GALNT14: variants seen among roughly 807,000 people sequenced by gnomAD.
GALNT14 encodes UDP-GalNAc:polypeptide N-acetylgalactosaminyltransferase 14.
GALNT14 carries 60 observed loss-of-function variants against 77.5 expected under a neutral mutation model. The ratio of observed to expected loss-of-function variants is 0.77; its 90% CI spans 0.63 to 0.96. The LOEUF (loss-of-function observed/expected upper bound fraction) is 0.96. GALNT14 is among the 40% of genes least tolerant of loss of function. The pLI is 0.00. For missense variants in GALNT14, 710 were observed against 731.0 expected (o/e 0.97, Z 0.33); for synonymous variants, 280 against 281.7 (o/e 0.99, Z 0.06).
intron 1 of GALNT14, among the ~76,000 whole-genome samples, chr2:31,040,900 C>T (rs1241320207): frequency 6.6e-6 from 1 of 152,148 alleles, no homozygotes; most frequent in African/African-American, 2.4e-5. Flanking sequence ...ATAAACAAAC[C>T]CGACGCCAGA....
chr2:31,098,629 C>A (rs1265492566), intron 1 of GALNT14, among the ~76,000 whole-genome samples: 1 of 152,040 alleles, frequency 6.6e-6, no homozygotes, highest in Non-Finnish European at 1.5e-5. Flanking sequence ...GCGGTTGACC[C>A]TTGAGCAGTG....
intron 2 of GALNT14, among the ~76,000 whole-genome samples, chr2:30,977,343 G>A (rs78892041): frequency 0.024 from 3,603 of 152,142 alleles, 142 homozygotes; most frequent in East Asian, 0.21. Context: ...CGCCCACCAG[G>A]TCCTCCCAAA....
chr2:31,089,304 C>T (rs911215964), intron 1 of GALNT14, among the ~76,000 whole-genome samples: 7 of 152,116 alleles, frequency 4.6e-5, no homozygotes, highest in Non-Finnish European at 7.3e-5. Flanking sequence ...ATTCGGATCA[C>T]GTTTGCTTCT....
At chr2:30,932,220 T>C in intron 9 of GALNT14, 26 bp from the exon 10 acceptor site, 2 of 1,436,688 alleles carry the variant, frequency 1.4e-6, no homozygotes, top group Non-Finnish European at 1.8e-6. Context: ...GCCCCTCCTA[T>C]GACCTCTTAT....
chr2:30,978,313 T>C (rs546823186), intron 2 of GALNT14, among the ~76,000 whole-genome samples: 105 of 152,368 alleles, frequency 6.9e-4, no homozygotes, highest in African/African-American at 2.4e-3. Flanking sequence ...ACTATTCCCC[T>C]TTCTAAATCA....
chr2:31,084,086 C>T (rs1460597969), intron 1 of GALNT14, among the ~76,000 whole-genome samples: 1 of 152,174 alleles, frequency 6.6e-6, no homozygotes, highest in African/African-American at 2.4e-5. Flanking sequence ...TCAGCTCAGC[C>T]ACTCCACAAA....
intron 1 of GALNT14, among the ~76,000 whole-genome samples, chr2:31,059,503 C>T (rs111267579): frequency 1.3e-3 from 204 of 152,202 alleles, no homozygotes; most frequent in African/African-American, 4.7e-3. Context: ...GGCCTTAGGT[C>T]ATGGGGGAGG....
In GALNT14 at chr2:30,992,915, A is replaced by C; in HGVS notation, c.222T>G (p.Tyr74Ter). The C allele has an allele frequency of 1.9e-6, 3 of 1,614,180 alleles. No individual in the cohort carries two copies. Among genetic ancestry groups the C allele is most frequent in the Non-Finnish European group, 2.5e-6 (3 of 1,180,022 alleles). Reference protein sequence around the residue: ...AKKWRVGDDPYKLYAFNQRES... With the variant: ...AKKWRVGDDP ...CCCGCTGGTTGAAAGCATACAGCTT[A>C]TAGGGGTCGTCACCAACGCGCCACT... Residue 74 changes from tyrosine (Y) to a stop codon, truncating the protein, a stop_gained, in exon 2 of 15, where the codon TAT (tyrosine) becomes TAG (stop). Transcript: ENST00000349752. LOFTEE classifies it high-confidence loss of function.
the GALNT14 span, among the ~76,000 whole-genome samples, chr2:30,903,527 AGGG>A: frequency 2.0e-5 from 3 of 152,226 alleles, no homozygotes; most frequent in South Asian, 6.2e-4. Flanking sequence ...CCCACATGGC[AGGG>A]GACTGAGGGC....
chr2:31,137,264 G>A (rs759876665), intron 1 of GALNT14, among the ~76,000 whole-genome samples: 1 of 152,224 alleles, frequency 6.6e-6, no homozygotes, highest in African/African-American at 2.4e-5. Flanking sequence ...GAGCCTATAG[G>A]GGGAACCTTC....
intron 1 of GALNT14, among the ~76,000 whole-genome samples, chr2:31,099,051 T>A (rs1388282781): frequency 6.6e-6 from 1 of 152,098 alleles, no homozygotes; most frequent in African/African-American, 2.4e-5. Flanking sequence ...ACCCATGTTG[T>A]TCTGAATTTA....
the GALNT14 span, among the ~76,000 whole-genome samples, chr2:30,897,882 C>T: frequency 2.2e-4 from 33 of 152,304 alleles, 1 homozygote; most frequent in South Asian, 1.4e-3. Context: ...GACAAATGAG[C>T]GGTGCTTGCA....
chr2:31,018,841 G>C (rs1004595210), intron 1 of GALNT14, among the ~76,000 whole-genome samples: 1 of 152,120 alleles, frequency 6.6e-6, no homozygotes, highest in Non-Finnish European at 1.5e-5. Flanking sequence ...TGGCCTGCAG[G>C]CTCAGCAGCT....
intron 1 of GALNT14, among the ~76,000 whole-genome samples, chr2:31,074,528 G>A (rs1459520169): frequency 6.6e-6 from 1 of 152,066 alleles, no homozygotes; most frequent in African/African-American, 2.4e-5. Context: ...TGCTGTCTGT[G>A]GGCAGCTTAC....
chr2:30,902,204 C>T, the GALNT14 span, among the ~76,000 whole-genome samples: 6 of 152,170 alleles, frequency 3.9e-5, no homozygotes, highest in Admixed American at 1.3e-4. Flanking sequence ...AGCTTTGCCT[C>T]GAACTGGTGG....
rs762770241 is a variant in GALNT14 at position 30,992,992 on chromosome 2, A to T, written c.145T>A (p.Trp49Arg). The stretch of plus-strand genomic sequence containing the variant: ...TCAAACTGGTCCCACAGGTCGTCCC[A>T]GTCAGCGTCCGAAGGCTGCGTGACA... ...VQTPKPSDAD[W>R]DDLWDQFDER... Residue 49 changes from tryptophan to arginine, a missense_variant, in exon 2 of 15, where the codon TGG becomes AGG. Transcript: ENST00000349752. The T allele has an allele frequency of 1.3e-5, 21 of 1,614,140 alleles. No homozygotes were observed. The highest frequency in any genetic ancestry group is 1.8e-5 in the Non-Finnish European group (21 of 1,180,034).
At chr2:31,110,276 C>T (rs1677770793) in intron 1 of GALNT14, among the ~76,000 whole-genome samples, 1 of 152,174 alleles carries the variant, frequency 6.6e-6, no homozygotes, top group East Asian at 1.9e-4. Flanking sequence ...TTTCTACGCA[C>T]TCTATTCACT....
At chr2:30,954,591 G>A (rs2148314782) in intron 6 of GALNT14, among the ~76,000 whole-genome samples, 1 of 152,306 alleles carries the variant, frequency 6.6e-6, no homozygotes, top group Middle Eastern at 3.4e-3. Flanking sequence ...AACCCACTGA[G>A]GTTATCTCAT....
chr2:30,940,695 A>C (rs1666324138), intron 9 of GALNT14, among the ~76,000 whole-genome samples: 1 of 152,160 alleles, frequency 6.6e-6, no homozygotes, highest in African/African-American at 2.4e-5. Context: ...CCCATAAGAG[A>C]GAAGTCCCTA....
Sources: gnomAD v4.1 joint callset for allele counts (sites outside exome capture counted in the v4.1 genomes callset) on GRCh38, gnomAD v4.1.1 for gene constraint, MANE v1.5 for transcripts, NCBI Gene and HGNC (gene_info 2026-07-23, HGNC 2026-07-21) for gene names.